The following ITGB6 variants were observed in gnomAD, a reference collection of about 807,000 sequenced individuals.
The protein encoded by ITGB6 is integrin subunit beta 6, also known as integrin beta-6.
A neutral mutation model predicts 84.5 loss-of-function variants in ITGB6; 80 were observed. The observed-to-expected ratio is 0.95, with a 90% CI of 0.79 to 1.14. ITGB6 has a LOEUF of 1.14. Ranked by LOEUF, ITGB6 falls within the 50% of genes most tolerant of loss-of-function variation. The pLI is 0.00. For synonymous variants in ITGB6, 383 were observed against 354.9 expected, an observed-to-expected ratio of 1.08 and a Z score of -0.89; for missense variants, 1,006 against 968.0, an observed-to-expected ratio of 1.04 and a Z score of -0.52.
chr2:160,131,605 A>C (rs1015614998), intron 10 of ITGB6, among the ~76,000 whole-genome samples: 10 of 152,204 alleles, frequency 6.6e-5, no homozygotes, highest in African/African-American at 2.4e-4. Flanking sequence ...TTTGTTATAA[A>C]TGCATTTACT....
intron 7 of ITGB6, among the ~76,000 whole-genome samples, chr2:160,157,229 C>T (rs1684657061): frequency 6.6e-6 from 1 of 152,142 alleles, no homozygotes; most frequent in Admixed American, 6.6e-5. Flanking sequence ...CTTATTATTT[C>T]CACAATGACC....
chr2:160,155,028 A>C (rs1046869885), intron 7 of ITGB6, among the ~76,000 whole-genome samples: 35 of 151,936 alleles, frequency 2.3e-4, no homozygotes, highest in Non-Finnish European at 3.5e-4. Context: ...TGTAGCACAA[A>C]CCCCTTCTCT....
intron 12 of ITGB6, among the ~76,000 whole-genome samples, chr2:160,120,846 G>A (rs1397380634): frequency 6.8e-6 from 1 of 147,102 alleles, no homozygotes; most frequent in Non-Finnish European, 1.5e-5. Context: ...TCACTCATAG[G>A]TGGGAATTGA....
intron 7 of ITGB6, among the ~76,000 whole-genome samples, chr2:160,157,552 C>G (rs1003395483): frequency 3.9e-5 from 6 of 152,018 alleles, no homozygotes; most frequent in African/African-American, 1.2e-4. Context: ...GATAATAATG[C>G]TGTATATATA....
At chr2:160,109,388 T>C (rs2105776497) in intron 13 of ITGB6, among the ~76,000 whole-genome samples, 1 of 152,340 alleles carries the variant, frequency 6.6e-6, no homozygotes, top group Non-Finnish European at 1.5e-5. Flanking sequence ...ATATACTGGC[T>C]ACATCTTTGG....
Position 160,107,813 on chromosome 2 carries a change from T to G in ITGB6, c.2134A>C (p.Met712Leu). ...AGAATAGCCAGGGAAACCCCTAACA[T>G]GATCATGGGAATGTTTGGAGGCTTC... ...CPKPPNIPMI[M>L]LGVSLAILLI... The change falls in exon 14 of 15, where the codon ATG (methionine) becomes CTG (leucine). Residue 712 changes from methionine (M) to leucine (L), a missense_variant. Coordinates refer to ENST00000283249, the MANE Select transcript of ITGB6 (RefSeq NM_000888.5). 3 of 1,611,126 alleles carry G rather than the reference T, an allele frequency of 1.9e-6. No individual in the cohort carries two copies. Among genetic ancestry groups the G allele is most frequent in the Non-Finnish European group, 2.5e-6 (3 of 1,178,108 alleles).
At chr2:160,194,612 A>G (rs2357863) in intron 4 of ITGB6, among the ~76,000 whole-genome samples, 6,848 of 152,172 alleles carry the variant, frequency 0.045, 498 homozygotes, top group African/African-American at 0.15. Flanking sequence ...TGCTGTTATT[A>G]TGAAGGCTGA....
intron 1 of ITGB6, 137 bp downstream of exon 1, chr2:160,199,866 G>T: frequency 1.5e-6 from 1 of 669,186 alleles, no homozygotes; most frequent in Non-Finnish European, 2.6e-6. Flanking sequence ...TCTGTAATTT[G>T]TTAAAGTGTT....
chr2:160,104,538 T>C (rs569917668), intron 14 of ITGB6, among the ~76,000 whole-genome samples: 17 of 152,324 alleles, frequency 1.1e-4, no homozygotes, highest in African/African-American at 3.8e-4. Context: ...ATTCTGCAAA[T>C]GCAATGACAC....
intron 4 of ITGB6, among the ~76,000 whole-genome samples, chr2:160,179,835 C>G (rs558901984): frequency 2.0e-5 from 3 of 151,024 alleles, no homozygotes; most frequent in African/African-American, 7.3e-5. Flanking sequence ...GGGTGGTTCA[C>G]GCCTGTAATC....
chr2:160,174,712 G>A (rs978280929), intron 4 of ITGB6, among the ~76,000 whole-genome samples: 1 of 152,172 alleles, frequency 6.6e-6, no homozygotes, highest in Admixed American at 6.6e-5. Flanking sequence ...ACAATGTTAC[G>A]ATGAAATCTG....
rs538793358 is a variant in ITGB6, at chr2:160,111,944, T to C, written c.2101+136A>G. ...CCTTCTAACTGGCATCTTTCAATCC[T>C]TGGGAAACTTTAAGAAACTTCATCA... On this transcript the variant is annotated intron_variant, in intron 13 of 14. Coordinates refer to ENST00000283249, the MANE Select transcript of ITGB6 (RefSeq NM_000888.5). 118 of 861,330 alleles carry C rather than the reference T, an allele frequency of 1.4e-4. 1 individual carries two copies. Among genetic ancestry groups the C allele is most frequent in the Middle Eastern group, 1.3e-3 (5 of 3,808 alleles). 53.4% of individuals were successfully genotyped at this position (861,330 alleles called of 1,614,324 possible). A position where few individuals can be genotyped will look rare whatever the true frequency, so the allele number is the denominator to read the frequency against.
chr2:160,135,441 G>T (rs1180485614), intron 10 of ITGB6, among the ~76,000 whole-genome samples: 10 of 148,668 alleles, frequency 6.7e-5, no homozygotes, highest in Non-Finnish European at 1.5e-4. Flanking sequence ...ATGCTCATGG[G>T]TAGGAAGAAT....
chr2:160,141,407 G>A (rs1232624669), intron 8 of ITGB6, among the ~76,000 whole-genome samples: 2 of 152,228 alleles, frequency 1.3e-5, no homozygotes, highest in Non-Finnish European at 2.9e-5. Context: ...TTTAAGGGAG[G>A]AATTCTGTCC....
intron 7 of ITGB6, among the ~76,000 whole-genome samples, chr2:160,166,984 G>A (rs1209454851): frequency 6.6e-6 from 1 of 152,180 alleles, no homozygotes; most frequent in African/African-American, 2.4e-5. Flanking sequence ...CAGGGCCTTC[G>A]TTGAACCTAA....
intron 4 of ITGB6, among the ~76,000 whole-genome samples, chr2:160,194,420 C>A (rs1344755705): frequency 1.3e-5 from 2 of 151,922 alleles, no homozygotes; most frequent in African/African-American, 2.4e-5. Context: ...ATATTTGGAA[C>A]ATTATTTCAT....
At chr2:160,169,385 A>G in intron 6 of ITGB6, 78 bp from the exon 7 acceptor site, 2 of 842,264 alleles carry the variant, frequency 2.4e-6, no homozygotes, top group Middle Eastern at 2.3e-4. Flanking sequence ...TTTCAAAGAT[A>G]CCTTTTTGAG....
At chr2:160,133,818 C>A (rs1434480144) in intron 10 of ITGB6, among the ~76,000 whole-genome samples, 1 of 152,060 alleles carries the variant, frequency 6.6e-6, no homozygotes, top group African/African-American at 2.4e-5. Context: ...GCGTACATAA[C>A]AAAATGAAGG....
At chr2:160,159,958 TCTC>T in intron 7 of ITGB6, among the ~76,000 whole-genome samples, 1 of 152,262 alleles carries the variant, frequency 6.6e-6, no homozygotes, top group South Asian at 2.1e-4. Context: ...CTTTTTTTAT[TCTC>T]CTCTATACTC....
Sources: allele counts gnomAD v4.1 joint callset (sites outside exome capture counted in the v4.1 genomes callset), GRCh38; gene constraint gnomAD v4.1.1; transcripts MANE v1.5; gene names NCBI Gene and HGNC (gene_info 2026-07-23, HGNC 2026-07-21).